Variants in GPC5 observed in about 807,000 individuals in gnomAD.
GPC5 encodes the protein glypican-5.
A neutral mutation model predicts 53.9 loss-of-function variants in GPC5; 47 were observed. The observed-to-expected ratio is 0.87, with a 90% CI of 0.69 to 1.11. The LOEUF (loss-of-function observed/expected upper bound fraction) is 1.11. GPC5 is among the 50% of genes most tolerant of loss of function. The probability of loss-of-function intolerance (pLI) is 0.00; values close to 1 mark genes in which losing one functional copy is unlikely to be tolerated. For missense variants in GPC5, 748 were observed against 713.1 expected, an observed-to-expected ratio of 1.05 and a Z score of -0.56; for synonymous variants, 286 against 263.3, an observed-to-expected ratio of 1.09 and a Z score of -0.84.
chr13:91,572,241 G>T (rs1437227831), intron 2 of GPC5, among the ~76,000 whole-genome samples: 1 of 140,722 alleles, frequency 7.1e-6, no homozygotes, highest in Admixed American at 6.9e-5. Flanking sequence ...GTATATACAT[G>T]TGTATATATA....
chr13:91,740,276 C>CT lies in GPC5; in HGVS notation c.1154+11612dup, dbSNP rs938281020. Among the ~76,000 whole-genome samples the CT allele has an allele frequency of 1.0e-3, 158 of 152,304 alleles. 1 individual carries two copies. Among genetic ancestry groups the CT allele is most frequent in the African/African-American group, 3.5e-3 (145 of 41,560 alleles). On this transcript the variant is annotated intron_variant, in intron 4 of 7. Transcript: ENST00000377067. The stretch of plus-strand genomic sequence containing the variant: ...AGTGAAGGCAGGATTACAGTATCCT[C>CT]TCCTTAGGATAGAGAAATCTCTTAA...
chr13:91,905,399 G>T (rs975639387), intron 5 of GPC5, among the ~76,000 whole-genome samples: 1 of 151,840 alleles, frequency 6.6e-6, no homozygotes, highest in South Asian at 2.1e-4. Context: ...GATGTATACT[G>T]CCAAATCCCT....
chr13:91,828,367 G>A lies in GPC5; in HGVS notation c.1280+71947G>A, dbSNP rs536487312. ...GGTAGATAGGTAGGTAGGTAGGTAG[G>A]TAGGTAGGTAGGTAGGTAGGAAGGA... is the stretch of plus-strand genomic sequence containing the variant. On this transcript the variant is annotated intron_variant, in intron 5 of 7. Transcript: ENST00000377067. Among the ~76,000 whole-genome samples the A allele has an allele frequency of 5.3e-4, 81 of 151,876 alleles. No homozygotes were observed. In the South Asian group the frequency reaches 8.5e-3, roughly 16 times the overall value.
chr13:91,765,575 A>G (rs1160438455), intron 5 of GPC5, among the ~76,000 whole-genome samples: 2 of 152,388 alleles, frequency 1.3e-5, no homozygotes, highest in Admixed American at 1.3e-4. Context: ...AATGGAACGC[A>G]AAGTTATATG....
intron 2 of GPC5, among the ~76,000 whole-genome samples, chr13:91,640,454 C>A (rs2034396675): frequency 6.6e-6 from 1 of 152,104 alleles, no homozygotes; most frequent in South Asian, 2.1e-4. Context: ...GTCAGACTGG[C>A]AATTATTAAA....
At chr13:92,481,188 C>T (rs1343284604) in intron 7 of GPC5, among the ~76,000 whole-genome samples, 1 of 151,956 alleles carries the variant, frequency 6.6e-6, no homozygotes, top group Non-Finnish European at 1.5e-5. Flanking sequence ...GCAAGCTCTG[C>T]CTCCCAGGTT....
intron 7 of GPC5, among the ~76,000 whole-genome samples, chr13:92,184,912 G>A (rs1040794305): frequency 6.6e-6 from 1 of 152,144 alleles, no homozygotes; most frequent in Non-Finnish European, 1.5e-5. Flanking sequence ...ATGTGCCAGG[G>A]TTGGGCAAAC....
intron 6 of GPC5, among the ~76,000 whole-genome samples, chr13:91,963,065 T>G (rs1376734442): frequency 6.6e-6 from 1 of 152,186 alleles, no homozygotes; most frequent in African/African-American, 2.4e-5. Context: ...CTGTTTCTAC[T>G]GGTTACTATG....
chr13:92,414,597 T>G (rs538743039), intron 7 of GPC5, among the ~76,000 whole-genome samples: 1 of 152,164 alleles, frequency 6.6e-6, no homozygotes, highest in Middle Eastern at 3.4e-3. Context: ...CAGAGACAGA[T>G]GCTTGAGGGT....
chr13:91,958,572 T>C (rs966259586), intron 6 of GPC5, among the ~76,000 whole-genome samples: 1 of 152,034 alleles, frequency 6.6e-6, no homozygotes. Flanking sequence ...TACAGAATAC[T>C]CATTCTTCTC....
chr13:91,632,976 G>A (rs538341940), intron 2 of GPC5, among the ~76,000 whole-genome samples: 3 of 152,222 alleles, frequency 2.0e-5, no homozygotes, highest in African/African-American at 7.2e-5. Context: ...CTAGAGTGGA[G>A]CATACCCTCG....
intron 2 of GPC5, among the ~76,000 whole-genome samples, chr13:91,592,864 T>C (rs1268499025): frequency 6.6e-6 from 1 of 152,180 alleles, no homozygotes; most frequent in African/African-American, 2.4e-5. Context: ...GCAAGGGGCC[T>C]GAAGAATAGC....
chr13:92,347,858 T>TATATATATTATATATAATATAAC (rs2043427494), intron 7 of GPC5, among the ~76,000 whole-genome samples: 2 of 16,436 alleles, frequency 1.2e-4, no homozygotes, highest in African/African-American at 1.3e-3. Flanking sequence ...TTTATACATA[T>TATATATATTATATATAATATAAC]ATATATTATA....
At chr13:92,168,517 G>A (rs2042047352) in intron 7 of GPC5, among the ~76,000 whole-genome samples, 1 of 152,042 alleles carries the variant, frequency 6.6e-6, no homozygotes, top group African/African-American at 2.4e-5. Context: ...ATTAAAAAGT[G>A]GGCAAAGGAC....
chr13:92,719,588 T>A (rs9561127), intron 7 of GPC5, among the ~76,000 whole-genome samples: 74 of 152,226 alleles, frequency 4.9e-4, no homozygotes, highest in African/African-American at 1.6e-3. Context: ...TAAAAATAGA[T>A]TTATTTTCCA....
At chr13:91,672,674 C>T (rs547882359) in intron 2 of GPC5, among the ~76,000 whole-genome samples, 10 of 152,228 alleles carry the variant, frequency 6.6e-5, no homozygotes, top group Admixed American at 2.0e-4. Flanking sequence ...GACAGTGTGG[C>T]GATTTCTCAA....
intron 7 of GPC5, among the ~76,000 whole-genome samples, chr13:92,216,449 C>G (rs543018677): frequency 6.6e-6 from 1 of 152,116 alleles, no homozygotes; most frequent in African/African-American, 2.4e-5. Flanking sequence ...CTTGTCAACA[C>G]GCAGCAGGCA....
chr13:92,229,496 AT>A, intron 7 of GPC5, among the ~76,000 whole-genome samples: 1 of 152,216 alleles, frequency 6.6e-6, no homozygotes, highest in South Asian at 2.1e-4. Flanking sequence ...TAAAGCATAT[AT>A]TTTTAGGTTG....
intron 7 of GPC5, among the ~76,000 whole-genome samples, chr13:92,287,587 A>G (rs1335244747): frequency 6.6e-6 from 1 of 152,164 alleles, no homozygotes; most frequent in Non-Finnish European, 1.5e-5. Flanking sequence ...AGTAGCTTAA[A>G]TATATCATCT....
Sources: gnomAD v4.1 joint callset for allele counts (sites outside exome capture counted in the v4.1 genomes callset) on GRCh38, gnomAD v4.1.1 for gene constraint, MANE v1.5 for transcripts, NCBI Gene and HGNC (gene_info 2026-07-23, HGNC 2026-07-21) for gene names.